The following SH3PXD2B variants were observed in gnomAD, a reference collection of about 807,000 sequenced individuals.
SH3PXD2B encodes SH3 and PX domain-containing protein 2B.
In SH3PXD2B, 37 loss-of-function variants were observed where a neutral mutation model predicts 73.1. That is an observed-to-expected ratio of 0.51 (90% CI 0.39 to 0.67). The LOEUF is 0.67. SH3PXD2B is among the 30% of genes least tolerant of loss of function. SH3PXD2B has a pLI of 0.00. For synonymous variants in SH3PXD2B, 457 were observed against 480.5 expected, an observed-to-expected ratio of 0.95 and a Z score of 0.64; for missense variants, 1,053 against 1,197.8, an observed-to-expected ratio of 0.88 and a Z score of 1.78.
At chr5:172,343,680 C>T (rs1756910361) in intron 12 of SH3PXD2B, among the ~76,000 whole-genome samples, 1 of 152,130 alleles carries the variant, frequency 6.6e-6, no homozygotes, top group Admixed American at 6.5e-5. Context: ...TGGCAGGCGC[C>T]TGTAATCCCA....
chr5:172,454,494 AC>A lies in SH3PXD2B; in HGVS notation c.-143del. ...GGGCCGAGCACGAGCCGCCGCCGCCACCGCCGCCGCCCTTCGCTCGGCGCGC... is the reference window on the plus strand; with the variant it reads ...GGGCCGAGCACGAGCCGCCGCCGCCACGCCGCCGCCCTTCGCTCGGCGCGC... On this transcript the variant is annotated 5_prime_UTR_variant, in exon 1 of 13. Coordinates refer to ENST00000311601, the MANE Select transcript of SH3PXD2B (RefSeq NM_001017995.3). 4.3e-6 allele frequency: 1 copy of A among 230,200 alleles called. No individual in the cohort carries two copies. The highest frequency in any genetic ancestry group is 7.1e-6 in the Non-Finnish European group (1 of 140,720). The allele number at this position is 230,200 out of a possible 1,614,324, so 14.3% of individuals were successfully genotyped here. A position where few individuals can be genotyped will look rare whatever the true frequency, so the allele number is the denominator to read the frequency against.
intron 2 of SH3PXD2B, among the ~76,000 whole-genome samples, chr5:172,410,214 C>T (rs1262657463): frequency 6.6e-6 from 1 of 152,196 alleles, no homozygotes; most frequent in Non-Finnish European, 1.5e-5. Flanking sequence ...TTTGAGGAAC[C>T]TCTACATTGT....
Position 172,339,925 on chromosome 5 carries a change from G to T in SH3PXD2B, c.1189-9C>A. The T allele has an allele frequency of 6.2e-7, 1 of 1,614,242 alleles. No homozygotes were observed. The highest frequency in any genetic ancestry group is 8.5e-7 in the Non-Finnish European group (1 of 1,180,044). On this transcript the variant is annotated splice_polypyrimidine_tract_variant and intron_variant, in intron 12 of 12. Transcript: ENST00000311601. This position sits in a 1 kb window ranked among gnomAD's most constrained non-coding sequence, Gnocchi z 6.1. ...AAGTTTTTCTCGATCACCTGCAAGG[G>T]AGGATAGAGAAAGGCACTTGGCTAC...
rs13356223 is a variant in SH3PXD2B, at chr5:172,394,667, T to C, written c.233-28A>G. The C allele has an allele frequency of 0.038, 61,649 of 1,612,208 alleles. 1,655 individuals carry two copies. Among genetic ancestry groups the C allele is most frequent in the African/African-American group, 0.14 (10,182 of 74,942 alleles). ...GCAGAAGATGAGAGCAAAGACAGTG[T>C]TGTCAGGGAACAGGGACAAGCTCTC... On this transcript the variant is annotated intron_variant, in intron 3 of 12. Transcript: ENST00000311601.
At chr5:172,348,405 CTAG>C (rs1331794584) in intron 10 of SH3PXD2B, among the ~76,000 whole-genome samples, 1 of 151,634 alleles carries the variant, frequency 6.6e-6, no homozygotes, top group African/African-American at 2.4e-5. Flanking sequence ...ATTGGCTGGA[CTAG>C]TAGTGAGCCG....
Position 172,338,382 on chromosome 5 carries a change from C to T in SH3PXD2B, c.2723G>A (p.Arg908Lys), listed in dbSNP as rs765142953. 1 of 1,614,118 alleles carries T rather than the reference C, an allele frequency of 6.2e-7. No homozygotes were observed. The highest frequency in any genetic ancestry group is 8.5e-7 in the Non-Finnish European group (1 of 1,180,036). ...AAAGGGAGTCGGCTACGGCTTCTTT[C>T]TGAGATAGTTGGAAGGAATCCACCC... ...WEGWIPSNYL[R>K]KKP Residue 908 changes from arginine (R) to lysine (K), a missense_variant, in exon 13 of 13, where the codon AGA becomes AAA. Physicochemically the swap from Arg to Lys is conservative, Grantham distance 26. Coordinates refer to ENST00000311601, the MANE Select transcript of SH3PXD2B (RefSeq NM_001017995.3). This position sits in a 1 kb window ranked among gnomAD's most constrained non-coding sequence, Gnocchi z 5.1.
At chr5:172,409,376 C>G (rs1758637510) in intron 2 of SH3PXD2B, among the ~76,000 whole-genome samples, 1 of 152,102 alleles carries the variant, frequency 6.6e-6, no homozygotes, top group African/African-American at 2.4e-5. Flanking sequence ...GAGCAAAACT[C>G]TGTCTCAAAA....
intron 4 of SH3PXD2B, among the ~76,000 whole-genome samples, chr5:172,390,133 C>T (rs1758148206): frequency 6.6e-6 from 1 of 152,228 alleles, no homozygotes; most frequent in African/African-American, 2.4e-5. Flanking sequence ...GCAATCACCA[C>T]AATCTAGTTT....
At chr5:172,444,852 C>T (rs907239813) in intron 1 of SH3PXD2B, among the ~76,000 whole-genome samples, 12 of 152,166 alleles carry the variant, frequency 7.9e-5, no homozygotes, top group African/African-American at 2.9e-4. Flanking sequence ...TGGCCTCAGC[C>T]TTCGTGTGCT....
At chr5:172,383,740 C>T (rs1039264372) in intron 4 of SH3PXD2B, among the ~76,000 whole-genome samples, 2 of 152,222 alleles carry the variant, frequency 1.3e-5, no homozygotes, top group African/African-American at 2.4e-5. Flanking sequence ...CTGTTCTCTC[C>T]TAGAGGGCCT....
chr5:172,401,891 C>T (rs1758428552), intron 3 of SH3PXD2B, among the ~76,000 whole-genome samples: 1 of 152,098 alleles, frequency 6.6e-6, no homozygotes, highest in Non-Finnish European at 1.5e-5. Flanking sequence ...ATGTATGTCG[C>T]CTCAGGACCC....
chr5:172,442,128 A>G (rs373191293), intron 1 of SH3PXD2B, among the ~76,000 whole-genome samples: 5 of 152,186 alleles, frequency 3.3e-5, no homozygotes, highest in South Asian at 2.1e-4. Context: ...TAGCAATCCT[A>G]TGAGGTCACA....
chr5:172,334,944 T>A lies in SH3PXD2B; in HGVS notation c.*3425A>T. 1.0e-6 allele frequency: 1 copy of A among 985,128 alleles called. No homozygotes were observed. Among genetic ancestry groups the A allele is most frequent in the Non-Finnish European group, 1.2e-6 (1 of 829,888 alleles). 61.0% of individuals were successfully genotyped at this position (985,128 alleles called of 1,614,324 possible). On this transcript the variant is annotated 3_prime_UTR_variant, in exon 13 of 13. Transcript: ENST00000311601. The stretch of plus-strand genomic sequence containing the variant: ...CTATGGCGTGGCCTTGTGGCAGAGG[T>A]TTAAAATGACTACCGTAACCTGGCA...
At chr5:172,454,239 C>T in intron 1 of SH3PXD2B, 39 bp downstream of exon 1, 4 of 1,564,560 alleles carry the variant, frequency 2.6e-6, no homozygotes, top group East Asian at 2.4e-5. Flanking sequence ...CCCGACGGGG[C>T]GCGGGCTCAA....
rs114268962 is a variant in SH3PXD2B, at chr5:172,386,043, C to T, written c.310-3916G>A. Among the ~76,000 whole-genome samples, 919 of 152,192 alleles carry T rather than the reference C, an allele frequency of 6.0e-3. 10 individuals are homozygous for T. The highest frequency in any genetic ancestry group is 0.021 in the African/African-American group (869 of 41,516). On this transcript the variant is annotated intron_variant, in intron 4 of 12. Transcript: ENST00000311601. ...TGGACAGATGTGGCTGATGCAGGCA[C>T]GAGAGAGGAGAGCAAGTCCTGCTTG... is the stretch of plus-strand genomic sequence containing the variant.
At chr5:172,361,793 G>C (rs1306024366) in intron 7 of SH3PXD2B, among the ~76,000 whole-genome samples, 1 of 152,198 alleles carries the variant, frequency 6.6e-6, no homozygotes. Context: ...AAGGAAGTTT[G>C]GCTGGCTGGC....
rs568976989 is a variant in SH3PXD2B, at chr5:172,405,529, T to A, written c.232+748A>T. ...AGGGATGTGGGAAGCTTTTAGAGGATGAGAGGGTGGCAGCCAGCACGGAAA... is the reference window on the plus strand; with the variant it reads ...AGGGATGTGGGAAGCTTTTAGAGGAAGAGAGGGTGGCAGCCAGCACGGAAA... On this transcript the variant is annotated intron_variant, in intron 3 of 12. Transcript: ENST00000311601. 2.0e-5 allele frequency among the ~76,000 whole-genome samples: 3 copies of A among 152,260 alleles called. No homozygotes were observed. In the East Asian group the frequency reaches 5.8e-4, roughly 29 times the overall value.
intron 3 of SH3PXD2B, among the ~76,000 whole-genome samples, chr5:172,398,384 A>G (rs1332261704): frequency 5.3e-5 from 8 of 152,228 alleles, no homozygotes; most frequent in Non-Finnish European, 1.0e-4. Flanking sequence ...GTACTTCCTC[A>G]GGGAATGCTA....
At chr5:172,332,943 T>G (rs1481859510), downstream of SH3PXD2B, among the ~76,000 whole-genome samples, 1 of 151,448 alleles carries the variant, frequency 6.6e-6, no homozygotes, top group Non-Finnish European at 1.5e-5. Context: ...AATGTTTTTT[T>G]TTTTTTTTTT....
Sources: gnomAD v4.1 joint callset for allele counts (sites outside exome capture counted in the v4.1 genomes callset) on GRCh38, gnomAD v4.1.1 for gene constraint, Gnocchi (gnomAD v3.1) non-coding constraint, MANE v1.5 for transcripts, NCBI Gene and HGNC (gene_info 2026-07-23, HGNC 2026-07-21) for gene names.